Variants in STPG2 observed in about 807,000 individuals in gnomAD.
The protein encoded by STPG2 is sperm tail PG-rich repeat containing 2.
In STPG2, 56 loss-of-function variants were observed where a neutral mutation model predicts 54.2. That is an observed-to-expected ratio of 1.03 (90% confidence interval 0.83 to 1.29). The LOEUF is 1.29. Among genes scored for constraint, STPG2 ranks in the 50% most tolerant of loss-of-function variants. The pLI, the probability that STPG2 is intolerant of heterozygous loss-of-function variation, is 0.00. For missense variants in STPG2, 596 were observed against 544.9 expected (o/e 1.09, Z -0.93); for synonymous variants, 200 against 181.8 (o/e 1.10, Z -0.81).
intron 9 of STPG2, among the ~76,000 whole-genome samples, chr4:97,716,062 T>C (rs1480259337): frequency 6.6e-6 from 1 of 152,120 alleles, no homozygotes; most frequent in Non-Finnish European, 1.5e-5. Flanking sequence ...AAAGAAGACA[T>C]TTATGTGGCC....
intron 4 of STPG2, among the ~76,000 whole-genome samples, chr4:97,549,823 C>T (rs1379719941): frequency 6.6e-6 from 1 of 152,124 alleles, no homozygotes; most frequent in African/African-American, 2.4e-5. Context: ...CAGTGTGACC[C>T]TGCTGACACC....
chr4:98,019,188 T>G (rs904912505), intron 5 of STPG2, among the ~76,000 whole-genome samples: 1 of 152,166 alleles, frequency 6.6e-6, no homozygotes, highest in Non-Finnish European at 1.5e-5. Context: ...CTTGAATTAA[T>G]TTTTGTATAA....
At chr4:97,759,740 G>C (rs945088552) in intron 9 of STPG2, among the ~76,000 whole-genome samples, 1 of 152,186 alleles carries the variant, frequency 6.6e-6, no homozygotes, top group Non-Finnish European at 1.5e-5. Context: ...GTTTGCTGGA[G>C]TTTCAGGTGC....
chr4:98,075,565 T>C (rs1738139569), intron 5 of STPG2, among the ~76,000 whole-genome samples: 1 of 152,218 alleles, frequency 6.6e-6, no homozygotes, highest in South Asian at 2.1e-4. Context: ...CCTTAAGTCT[T>C]ATCTCCTTTA....
intron 7 of STPG2, among the ~76,000 whole-genome samples, chr4:97,971,286 G>C (rs1186612175): frequency 6.6e-6 from 1 of 152,136 alleles, no homozygotes; most frequent in Admixed American, 6.5e-5. Context: ...ATTTGACCCA[G>C]CAATCCCATT....
chr4:98,017,945 G>A (rs978273779), intron 5 of STPG2, among the ~76,000 whole-genome samples: 1 of 152,082 alleles, frequency 6.6e-6, no homozygotes, highest in African/African-American at 2.4e-5. Flanking sequence ...TGCCATGATT[G>A]TAAGTTTCCT....
chr4:98,104,286 C>T (rs1479161423), intron 5 of STPG2, among the ~76,000 whole-genome samples: 1 of 152,074 alleles, frequency 6.6e-6, no homozygotes, highest in Non-Finnish European at 1.5e-5. Context: ...TCCATCTTCC[C>T]TCATTGCCTG....
At chr4:98,005,774 T>C (rs1735559979) in intron 5 of STPG2, among the ~76,000 whole-genome samples, 1 of 152,220 alleles carries the variant, frequency 6.6e-6, no homozygotes, top group Non-Finnish European at 1.5e-5. Flanking sequence ...GACTTGATAG[T>C]ATATTGTTGA....
intron 4 of STPG2, among the ~76,000 whole-genome samples, chr4:97,508,429 T>C (rs1046715816): frequency 6.6e-6 from 1 of 152,062 alleles, no homozygotes; most frequent in African/African-American, 2.4e-5. Context: ...TCTTTGAATA[T>C]AGAAATCAAT....
chr4:97,449,412 C>T (rs1729310077), intron 4 of STPG2, among the ~76,000 whole-genome samples: 2 of 152,104 alleles, frequency 1.3e-5, no homozygotes, highest in Non-Finnish European at 1.5e-5. Context: ...TTCCATTCAC[C>T]ATTCAACATA....
At chr4:97,720,528 A>G (rs903972668) in intron 9 of STPG2, among the ~76,000 whole-genome samples, 13 of 152,010 alleles carry the variant, frequency 8.6e-5, no homozygotes, top group African/African-American at 2.9e-4. Flanking sequence ...AACAAATATC[A>G]TATTAATCAA....
chr4:97,787,582 T>C (rs1726865763), intron 9 of STPG2, among the ~76,000 whole-genome samples: 1 of 152,058 alleles, frequency 6.6e-6, no homozygotes, highest in Non-Finnish European at 1.5e-5. Flanking sequence ...TGTAGTTTTC[T>C]TATATTGTAA....
At position 97,618,441 on chromosome 4, in the gene STPG2, G is replaced by A. The variant is rs564637705; in HGVS notation, c.1321-59324C>T. 6.6e-5 allele frequency among the ~76,000 whole-genome samples: 10 copies of A among 152,162 alleles called. No homozygotes were observed. The East Asian group carries it at 1.4e-3, about 21-fold the overall frequency. On this transcript the variant is annotated intron_variant, in intron 10 of 10. Coordinates refer to ENST00000295268, the MANE Select transcript of STPG2 (RefSeq NM_174952.3). ...GAATCATGGGAAATTAAAAAAAAATGTTTTAAGCCACAAAACATTTGAGTT... is the reference window on the plus strand; with the variant it reads ...GAATCATGGGAAATTAAAAAAAAATATTTTAAGCCACAAAACATTTGAGTT...
chr4:98,143,276 A>T lies in STPG2; in HGVS notation c.-126T>A, dbSNP rs935500890. ...GAGGAGGCCGGGAAAGAACTTCCGT[A>T]AACAGGGAAATTAGGGGTGGGGTTG... On this transcript the variant is annotated 5_prime_UTR_variant, in exon 1 of 11. Coordinates refer to ENST00000295268, the MANE Select transcript of STPG2 (RefSeq NM_174952.3). 7.5e-6 allele frequency: 5 copies of T among 668,586 alleles called. No individual in the cohort carries two copies. The highest frequency in any genetic ancestry group is 1.3e-5 in the Non-Finnish European group (5 of 393,334). 41.4% of individuals were successfully genotyped at this position (668,586 alleles called of 1,614,324 possible). A position where few individuals can be genotyped will look rare whatever the true frequency, so the allele number is the denominator to read the frequency against.
intron 9 of STPG2, among the ~76,000 whole-genome samples, chr4:97,799,549 T>G (rs1248133404): frequency 6.6e-6 from 1 of 152,198 alleles, no homozygotes; most frequent in African/African-American, 2.4e-5. Context: ...TGCCGAGAGA[T>G]CCGCTGTTAG....
chr4:97,909,004 T>G (rs1382311751), intron 8 of STPG2, among the ~76,000 whole-genome samples: 1 of 129,782 alleles, frequency 7.7e-6, no homozygotes, highest in African/African-American at 3.0e-5. Flanking sequence ...ACCCTAAAAC[T>G]TAAAGTATAA....
chr4:97,714,918 C>G lies in STPG2; in HGVS notation c.1205-2104G>C, dbSNP rs779370633. Among the ~76,000 whole-genome samples the G allele has an allele frequency of 3.9e-5, 6 of 152,102 alleles. No homozygotes were observed. The East Asian group carries it at 1.2e-3, about 29-fold the overall frequency. The stretch of plus-strand genomic sequence containing the variant: ...CAATTATGAAGAAATATAGTCTATT[C>G]TCTACCCTTACCATCAGGCTACAGC... On this transcript the variant is annotated intron_variant, in intron 9 of 10. Coordinates refer to ENST00000295268, the MANE Select transcript of STPG2 (RefSeq NM_174952.3).
chr4:97,975,291 C>A (rs1366013516), intron 6 of STPG2, among the ~76,000 whole-genome samples: 3 of 151,902 alleles, frequency 2.0e-5, no homozygotes, highest in Admixed American at 6.6e-5. Context: ...TATAGGTATA[C>A]CTCAATAGAG....
chr4:97,854,896 TCCC>T (rs1296023441), intron 8 of STPG2, among the ~76,000 whole-genome samples: 1 of 152,140 alleles, frequency 6.6e-6, no homozygotes, highest in Non-Finnish European at 1.5e-5. Flanking sequence ...ATGCTCTCCC[TCCC>T]CCAACGTCTT....
Sources: gnomAD v4.1 joint callset for allele counts (sites outside exome capture counted in the v4.1 genomes callset) on GRCh38, gnomAD v4.1.1 for gene constraint, MANE v1.5 for transcripts, NCBI Gene and HGNC (gene_info 2026-07-23, HGNC 2026-07-21) for gene names.